The following COLEC11 variants were observed in gnomAD, a reference collection of about 807,000 sequenced individuals.
COLEC11 encodes collectin subfamily member 11.
In COLEC11, 20 loss-of-function variants were observed where a neutral mutation model predicts 27.3. The observed-to-expected ratio is 0.73, with a 90% CI of 0.51 to 1.06. The LOEUF (loss-of-function observed/expected upper bound fraction) is 1.06. Ranked by LOEUF, COLEC11 falls within the 50% of genes least tolerant of loss-of-function variation. The pLI is 0.00. For missense variants in COLEC11, 310 were observed against 383.0 expected (o/e 0.81, Z 1.59); for synonymous variants, 163 against 154.7 (o/e 1.05, Z -0.40).
intron 3 of COLEC11, 33 bp from the exon 4 acceptor site, chr2:3,637,500 A>G (rs368144240): frequency 1.1e-5 from 17 of 1,592,380 alleles, no homozygotes; most frequent in Non-Finnish European, 1.5e-5. Flanking sequence ...TCACCTGTGC[A>G]TCGACCAACT....
chr2:3,609,105 A>G (rs1187368477), intron 2 of COLEC11, among the ~76,000 whole-genome samples: 7 of 152,358 alleles, frequency 4.6e-5, no homozygotes, highest in African/African-American at 7.2e-5. Context: ...CTGTACAACT[A>G]CAGACACAGG....
At chr2:3,630,935 G>A (rs549792530) in intron 3 of COLEC11, among the ~76,000 whole-genome samples, 13 of 152,290 alleles carry the variant, frequency 8.5e-5, no homozygotes, top group South Asian at 6.2e-4. Context: ...GTAAAGCCAC[G>A]TTTCGTCTTC....
At chr2:3,621,716 A>G (rs1450500736) in intron 3 of COLEC11, among the ~76,000 whole-genome samples, 1 of 151,942 alleles carries the variant, frequency 6.6e-6, no homozygotes, top group African/African-American at 2.4e-5. Flanking sequence ...TAGGTTTTTT[A>G]TTTGTGGTTA....
At chr2:3,628,583 G>C (rs1275504770) in intron 3 of COLEC11, among the ~76,000 whole-genome samples, 1 of 152,224 alleles carries the variant, frequency 6.6e-6, no homozygotes, top group Non-Finnish European at 1.5e-5. Flanking sequence ...GTGCGCTGGG[G>C]CTTTGAGGGA....
chr2:3,609,115 G>A lies in COLEC11; in HGVS notation c.131-4196G>A, dbSNP rs191363229. On this transcript the variant is annotated intron_variant, in intron 2 of 6. Transcript: ENST00000349077. ...TGGCCCTGTACAACTACAGACACAG[G>A]TCCATTAAGCAGAGCCCTTGGGAGA... 4.0e-3 allele frequency among the ~76,000 whole-genome samples: 612 copies of A among 152,350 alleles called. 6 individuals carry two copies. The highest frequency in any genetic ancestry group is 0.021 in the South Asian group (102 of 4,828).
chr2:3,600,607 C>T (rs752500422), intron 1 of COLEC11, among the ~76,000 whole-genome samples: 3 of 152,140 alleles, frequency 2.0e-5, no homozygotes, highest in Non-Finnish European at 4.4e-5. Context: ...CTGCTTAAAC[C>T]CCGCCAGAGG....
intron 5 of COLEC11, chr2:3,641,358 G>A (rs1324054334): frequency 2.3e-6 from 3 of 1,302,088 alleles, no homozygotes; most frequent in African/African-American, 1.5e-5. Context: ...AGCAGCATCC[G>A]CTCAGGGCAC....
At chr2:3,625,228 G>A (rs1012371889) in intron 3 of COLEC11, among the ~76,000 whole-genome samples, 1 of 152,098 alleles carries the variant, frequency 6.6e-6, no homozygotes, top group South Asian at 2.1e-4. Context: ...GCTTTTTCAG[G>A]CTCCGAGGCC....
intron 3 of COLEC11, among the ~76,000 whole-genome samples, chr2:3,619,266 C>A (rs2147903274): frequency 6.8e-6 from 1 of 147,698 alleles, no homozygotes; most frequent in East Asian, 2.0e-4. Context: ...TTCCTTTTTT[C>A]TTTCTTGCCT....
intron 1 of COLEC11, among the ~76,000 whole-genome samples, chr2:3,596,888 G>C (rs986040743): frequency 1.3e-5 from 2 of 152,208 alleles, no homozygotes; most frequent in South Asian, 2.1e-4. Flanking sequence ...AGACTCCTTC[G>C]GGCGCCTGGG....
intron 3 of COLEC11, among the ~76,000 whole-genome samples, chr2:3,634,377 G>A (rs929359297): frequency 1.3e-5 from 2 of 152,202 alleles, no homozygotes; most frequent in Non-Finnish European, 1.5e-5. Context: ...ATTTCTATGG[G>A]CGCAAAACCA....
chr2:3,643,604 C>T, intron 6 of COLEC11, 65 bp downstream of exon 6: 1 of 1,595,264 alleles, frequency 6.3e-7, no homozygotes, highest in South Asian at 1.1e-5. Context: ...AGCCCCCCGG[C>T]AAGGGCTCTG....
intron 3 of COLEC11, among the ~76,000 whole-genome samples, chr2:3,636,072 C>T (rs1665387919): frequency 6.6e-6 from 1 of 152,214 alleles, no homozygotes; most frequent in African/African-American, 2.4e-5. Flanking sequence ...CAAAACAAGA[C>T]TAGGAGTTCC....
intron 3 of COLEC11, among the ~76,000 whole-genome samples, chr2:3,614,166 T>G (rs1307942008): frequency 2.0e-5 from 3 of 151,896 alleles, no homozygotes; most frequent in Admixed American, 2.0e-4. Context: ...TAGTAGAGAC[T>G]AGGTTTCACC....
In COLEC11 at chr2:3,643,982, A is replaced by G. The variant is rs1348956022; in HGVS notation, c.680A>G (p.Lys227Arg). 1.2e-6 allele frequency: 2 copies of G among 1,614,030 alleles called. No homozygotes were observed. The highest frequency in any genetic ancestry group is 2.2e-5 in the East Asian group (1 of 44,896). ...SDHSPMRTFN[K>R]WRSGEPNNAY... ...CACTCCCCCATGCGGACCTTCAACA[A>G]GTGGCGCAGCGGTGAGCCCAACAAT... is the stretch of plus-strand genomic sequence containing the variant. The change falls in exon 7 of 7, where the codon AAG (lysine) becomes AGG (arginine). Residue 227 changes from lysine to arginine, a missense_variant. By Grantham distance (26) the Lys-to-Arg change is conservative (BLOSUM62 2). Coordinates refer to ENST00000349077, the MANE Select transcript of COLEC11 (RefSeq NM_024027.5).
At chr2:3,601,000 G>A (rs1486365466) in intron 1 of COLEC11, among the ~76,000 whole-genome samples, 2 of 152,180 alleles carry the variant, frequency 1.3e-5, no homozygotes, top group South Asian at 2.1e-4. Context: ...GAAGAGTCGG[G>A]AGCCCCCACT....
chr2:3,626,754 C>T (rs1558507789), intron 3 of COLEC11, among the ~76,000 whole-genome samples: 1 of 152,222 alleles, frequency 6.6e-6, no homozygotes, highest in African/African-American at 2.4e-5. Context: ...AATATGTTTA[C>T]AAGGACATTA....
chr2:3,638,265 A>T (rs747629932), intron 4 of COLEC11, among the ~76,000 whole-genome samples: 29 of 152,170 alleles, frequency 1.9e-4, no homozygotes, highest in Non-Finnish European at 3.5e-4. Flanking sequence ...GCCCCCCGCC[A>T]TCTGGTCAGT....
chr2:3,604,204 G>GC, intron 1 of COLEC11, 111 bp from the exon 2 acceptor site: 4 of 1,194,332 alleles, frequency 3.3e-6, no homozygotes, highest in Non-Finnish European at 4.9e-6. Flanking sequence ...GGCCCAGACA[G>GC]CCCTTCCAGG....
Sources: gnomAD v4.1 joint callset for allele counts (sites outside exome capture counted in the v4.1 genomes callset) on GRCh38, gnomAD v4.1.1 for gene constraint, MANE v1.5 for transcripts, NCBI Gene and HGNC (gene_info 2026-07-23, HGNC 2026-07-21) for gene names.